LPCAT1: variants seen among roughly 807,000 people sequenced by gnomAD.
LPCAT1 encodes the protein 1-acylglycerol-3-phosphate O-acyltransferase.
In LPCAT1, 23 loss-of-function variants were observed where a neutral mutation model predicts 60.9. The ratio of observed to expected loss-of-function variants is 0.38; its 90% CI spans 0.27 to 0.53. LPCAT1 has a LOEUF of 0.53. Ranked by LOEUF, LPCAT1 falls within the 20% of genes least tolerant of loss-of-function variation. LPCAT1 has a pLI of 0.82. For synonymous variants in LPCAT1, 340 were observed against 301.1 expected, an observed-to-expected ratio of 1.13 and a Z score of -1.34; for missense variants, 622 against 723.6, an observed-to-expected ratio of 0.86 and a Z score of 1.61.
In LPCAT1 at chr5:1,476,407, C is replaced by A. The variant is rs1032369455; in HGVS notation, c.899+997G>T. On this transcript the variant is annotated intron_variant, in intron 9 of 13. Transcript: ENST00000283415. This position sits in a 1 kb window ranked among gnomAD's most constrained non-coding sequence, Gnocchi z 8.6. ...GGGAGAGGATGGGAACGTGAGGGAA[C>A]GGGCCGCCCAGCTGAATCTTCAGGG... 1.4e-4 allele frequency among the ~76,000 whole-genome samples: 21 copies of A among 152,056 alleles called. No homozygotes were observed. Among genetic ancestry groups the A allele is most frequent in the African/African-American group, 4.8e-4 (20 of 41,390 alleles).
At position 1,481,009 on chromosome 5, in the gene LPCAT1, G is replaced by T. The variant is rs780401068; in HGVS notation, c.727-33C>A. ...GGAAGAGGCAGGGTCAGTCAGCATG[G>T]GGCCTGCACCCAGGGCCTGCACCAA... On this transcript the variant is annotated intron_variant, in intron 6 of 13. Transcript: ENST00000283415. The surrounding 1 kb of genome is among the most constrained non-coding windows in gnomAD (Gnocchi z 7.8). 8 of 1,612,770 alleles carry T rather than the reference G, an allele frequency of 5.0e-6. No homozygotes were observed. The highest frequency in any genetic ancestry group is 6.8e-6 in the Non-Finnish European group (8 of 1,179,782).
chr5:1,480,794 T>G lies in LPCAT1; in HGVS notation c.761+148A>C. 1.0e-6 allele frequency: 1 copy of G among 968,712 alleles called. No homozygotes were observed. The highest frequency in any genetic ancestry group is 1.7e-6 in the Non-Finnish European group (1 of 602,850). 60.0% of individuals were successfully genotyped at this position (968,712 alleles called of 1,614,324 possible). A position where few individuals can be genotyped will look rare whatever the true frequency, so the allele number is the denominator to read the frequency against. On this transcript the variant is annotated intron_variant, in intron 7 of 13. Transcript: ENST00000283415. This position sits in a 1 kb window ranked among gnomAD's most constrained non-coding sequence, Gnocchi z 6.4. ...TCAGGCCTGGGCCACATCTGTACGT[T>G]TAGTTTTCACAATGGGCTGAACCTA...
At chr5:1,494,063 C>T (rs1029298592) in intron 3 of LPCAT1, among the ~76,000 whole-genome samples, 39 of 152,206 alleles carry the variant, frequency 2.6e-4, no homozygotes, top group Non-Finnish European at 8.8e-5. Flanking sequence ...ACATCTGGTC[C>T]CCAGATGACG....
chr5:1,519,086 A>G (rs1443253292), intron 1 of LPCAT1, among the ~76,000 whole-genome samples: 3 of 152,266 alleles, frequency 2.0e-5, no homozygotes, highest in Non-Finnish European at 4.4e-5. Flanking sequence ...GCGTGCTGAC[A>G]ATATAAGATA....
intron 3 of LPCAT1, among the ~76,000 whole-genome samples, chr5:1,492,117 G>A (rs1183746995): frequency 6.6e-6 from 1 of 151,840 alleles, no homozygotes; most frequent in African/African-American, 2.4e-5. Context: ...CTCTGAGCTG[G>A]GACCAGGGGA....
rs1004981585 is a variant in LPCAT1 at position 1,487,500 on chromosome 5, G to A, written c.667+891C>T. ...AGCACGCGCATCTGAGCTGGAGGAG[G>A]ATGGCCACAGGCTCGGAAACCCCGG... is the stretch of plus-strand genomic sequence containing the variant. On this transcript the variant is annotated intron_variant, in intron 5 of 13. Coordinates refer to ENST00000283415, the MANE Select transcript of LPCAT1 (RefSeq NM_024830.5). The surrounding 1 kb of genome is among the most constrained non-coding windows in gnomAD (Gnocchi z 6.1). Among the ~76,000 whole-genome samples, 2 of 152,186 alleles carry A rather than the reference G, an allele frequency of 1.3e-5. No individual in the cohort carries two copies. Among genetic ancestry groups the A allele is most frequent in the African/African-American group, 4.8e-5 (2 of 41,438 alleles).
At chr5:1,507,337 G>A (rs935342596) in intron 1 of LPCAT1, among the ~76,000 whole-genome samples, 6 of 152,234 alleles carry the variant, frequency 3.9e-5, no homozygotes, top group African/African-American at 1.2e-4. Context: ...CCCTGTGTGA[G>A]CCATAAGTGA....
rs1476176181 is a variant in LPCAT1 at position 1,462,560 on chromosome 5, CAA to C, written c.*1089_*1090del. ...ACAGCCCAGCGTCTCCTTCCACAAG[CAA>C]AAGACTGCGGCTCCTCTCTCTGCAG... On this transcript the variant is annotated 3_prime_UTR_variant, in exon 14 of 14. Transcript: ENST00000283415. The C allele has an allele frequency of 6.6e-6, 1 of 152,652 alleles. No individual in the cohort carries two copies. The highest frequency in any genetic ancestry group is 1.5e-5 in the Non-Finnish European group (1 of 68,208). 9.5% of individuals were successfully genotyped at this position (152,652 alleles called of 1,614,324 possible). A position where few individuals can be genotyped will look rare whatever the true frequency, so the allele number is the denominator to read the frequency against.
intron 5 of LPCAT1, among the ~76,000 whole-genome samples, chr5:1,486,946 T>C (rs2126541616): frequency 6.6e-6 from 1 of 152,298 alleles, no homozygotes; most frequent in East Asian, 1.9e-4. Context: ...AGTGAGCTCC[T>C]ACTGGGCACC....
At chr5:1,513,325 C>G (rs186203057) in intron 1 of LPCAT1, among the ~76,000 whole-genome samples, 61 of 152,324 alleles carry the variant, frequency 4.0e-4, no homozygotes, top group African/African-American at 1.4e-3. Flanking sequence ...CATGTCCAAC[C>G]TGCAGCCCCA....
rs147749305 is a variant in LPCAT1 at position 1,470,900 on chromosome 5, G to A, written c.1204C>T (p.Arg402Ter). The change falls in exon 12 of 14, where the codon CGA (arginine) becomes TGA (stop). Residue 402 changes from arginine (R) to a stop codon, truncating the protein, a stop_gained. Coordinates refer to ENST00000283415, the MANE Select transcript of LPCAT1 (RefSeq NM_024830.5). LOFTEE classifies it high-confidence loss of function. ...ACAGACAGGGCAACCACACACTCTC[G>A]CAGGTCCACCTCGCCGCTGCCGCTC... ...DESGSGEVDL[R>*]ECVVALSVVC... The A allele has an allele frequency of 1.2e-6, 2 of 1,613,276 alleles. No homozygotes were observed. The highest frequency in any genetic ancestry group is 1.3e-5 in the African/African-American group (1 of 75,032).
chr5:1,496,756 A>G lies in LPCAT1; in HGVS notation c.279-1842T>C, dbSNP rs1735809624. ...GAGGAATTTTATACCCAAACTATCC[A>G]CATGTGAAAACCCGGACTGCTGGTG... On this transcript the variant is annotated intron_variant, in intron 2 of 13. Transcript: ENST00000283415. This position sits in a 1 kb window ranked among gnomAD's most constrained non-coding sequence, Gnocchi z 4.7. Among the ~76,000 whole-genome samples, 1 of 152,188 alleles carries G rather than the reference A, an allele frequency of 6.6e-6. No individual in the cohort carries two copies. Among genetic ancestry groups the G allele is most frequent in the Non-Finnish European group, 1.5e-5 (1 of 68,046 alleles).
At chr5:1,503,036 G>A (rs898561916) in intron 1 of LPCAT1, among the ~76,000 whole-genome samples, 1 of 152,190 alleles carries the variant, frequency 6.6e-6, no homozygotes, top group Admixed American at 6.5e-5. Context: ...GGATTGTGCA[G>A]TGTGCATTTC....
intron 3 of LPCAT1, among the ~76,000 whole-genome samples, chr5:1,494,415 G>GC (rs1560977604): frequency 7.5e-6 from 1 of 133,148 alleles, no homozygotes; most frequent in Non-Finnish European, 1.5e-5. Flanking sequence ...GCAGCGTGGT[G>GC]GGGGGGGGGT....
chr5:1,463,588 CA>C lies in LPCAT1; in HGVS notation c.*62del. 2 of 1,575,674 alleles carry C rather than the reference CA, an allele frequency of 1.3e-6. No homozygotes were observed. Among genetic ancestry groups the C allele is most frequent in the Non-Finnish European group, 1.7e-6 (2 of 1,155,624 alleles). ...AGGAGCGGAGCCCAGAGGTCACTCG[CA>C]AAGAGGCTCATGGCGGTGATGTCCA... On this transcript the variant is annotated 3_prime_UTR_variant, in exon 14 of 14. Transcript: ENST00000283415.
intron 11 of LPCAT1, among the ~76,000 whole-genome samples, chr5:1,472,193 A>C (rs72717524): frequency 0.19 from 27,627 of 148,112 alleles, 3,032 homozygotes; most frequent in Non-Finnish European, 0.26. Context: ...GAGCAGGAGG[A>C]GGCGAGGTGA....
At chr5:1,517,724 G>A (rs1736546890) in intron 1 of LPCAT1, among the ~76,000 whole-genome samples, 2 of 151,974 alleles carry the variant, frequency 1.3e-5, no homozygotes, top group African/African-American at 4.8e-5. Flanking sequence ...TAAAATGGAA[G>A]CAAGTAGTGA....
chr5:1,504,502 C>G (rs963740695), intron 1 of LPCAT1, among the ~76,000 whole-genome samples: 1 of 152,114 alleles, frequency 6.6e-6, no homozygotes, highest in Admixed American at 6.5e-5. Context: ...GGATCGCCTG[C>G]GGTCGGGAGT....
At position 1,470,935 on chromosome 5, in the gene LPCAT1, A is replaced by G; in HGVS notation, c.1180-11T>C. On this transcript the variant is annotated splice_polypyrimidine_tract_variant and intron_variant, in intron 11 of 13. Coordinates refer to ENST00000283415, the MANE Select transcript of LPCAT1 (RefSeq NM_024830.5). Reference sequence around the variant, plus strand: ...CTCGCCGCTGCCGCTCTGTGGGGAGAGACGCTCTCAGCCACAGCTCGGCCG... The same window carrying G: ...CTCGCCGCTGCCGCTCTGTGGGGAGGGACGCTCTCAGCCACAGCTCGGCCG... The G allele has an allele frequency of 6.2e-7, 1 of 1,609,762 alleles. No homozygotes were observed. Among genetic ancestry groups the G allele is most frequent in the South Asian group, 1.1e-5 (1 of 90,728 alleles).
Sources: allele counts gnomAD v4.1 joint callset (sites outside exome capture counted in the v4.1 genomes callset), GRCh38; gene constraint gnomAD v4.1.1; non-coding constraint Gnocchi (gnomAD v3.1); transcripts MANE v1.5; gene names NCBI Gene and HGNC (gene_info 2026-07-23, HGNC 2026-07-21).